IVD: variants seen among roughly 807,000 people sequenced by gnomAD.
IVD encodes the protein isovaleryl-CoA dehydrogenase, mitochondrial.
A neutral mutation model predicts 51.3 loss-of-function variants in IVD; 31 were observed. The ratio of observed to expected loss-of-function variants is 0.60; its 90% CI spans 0.45 to 0.81. The LOEUF (loss-of-function observed/expected upper bound fraction) is 0.81. Among genes scored for constraint, IVD ranks in the 40% least tolerant of loss-of-function variants. IVD has a pLI of 0.00. For missense variants in IVD, 475 were observed against 552.0 expected (o/e 0.86, Z 1.40); for synonymous variants, 205 against 219.4 (o/e 0.93, Z 0.58).
At chr15:40,428,203 G>A (rs1013876153), downstream of IVD, among the ~76,000 whole-genome samples, 2 of 150,898 alleles carry the variant, frequency 1.3e-5, no homozygotes, top group Non-Finnish European at 3.0e-5. Context: ...AAAAAAGACT[G>A]GACTGTTTGT....
In IVD at chr15:40,415,476, C is replaced by T. The variant is rs1595787254; in HGVS notation, c.954C>T (p.His318=). 2 of 1,613,896 alleles carry T rather than the reference C, an allele frequency of 1.2e-6. No homozygotes were observed. The highest frequency in any genetic ancestry group is 1.7e-6 in the Non-Finnish European group (2 of 1,179,794). ...AAGCCTTTGGCCAGAAGATCGGCCACTTCCAGGTGAGCCGAGTGCTTTTGC... is the reference window on the plus strand; with the variant it reads ...AAGCCTTTGGCCAGAAGATCGGCCATTTCCAGGTGAGCCGAGTGCTTTTGC... The part of the protein sequence containing the change: ...VREAFGQKIG[H]FQLMQGKMAD... Residue 318 remains histidine, a synonymous_variant, in exon 9 of 12, where the codon CAC becomes CAT. Transcript: ENST00000487418.
chr15:40,417,320 C>A (rs1212225406), intron 11 of IVD, among the ~76,000 whole-genome samples: 10 of 151,576 alleles, frequency 6.6e-5, no homozygotes, highest in Non-Finnish European at 1.2e-4. Context: ...CCAGCCTGAC[C>A]AACGTGGTGA....
intron 7 of IVD, among the ~76,000 whole-genome samples, chr15:40,429,490 G>T (rs1892850807): frequency 6.6e-6 from 1 of 152,162 alleles, no homozygotes; most frequent in Non-Finnish European, 1.5e-5. Flanking sequence ...CCCAGCATGA[G>T]CACTAACCCA....
At chr15:40,417,588 G>A (rs1406913020) in intron 11 of IVD, among the ~76,000 whole-genome samples, 1 of 151,892 alleles carries the variant, frequency 6.6e-6, no homozygotes, top group Non-Finnish European at 1.5e-5. Flanking sequence ...AGCTTGAAGT[G>A]TTGTGCCATG....
At chr15:40,428,372 C>G (rs747148254), downstream of IVD, among the ~76,000 whole-genome samples, 11 of 152,080 alleles carry the variant, frequency 7.2e-5, no homozygotes, top group Non-Finnish European at 1.3e-4. Context: ...CTCTTCCCAG[C>G]CCCTCTCTCC....
At chr15:40,409,133 C>T (rs948577777) in intron 3 of IVD, among the ~76,000 whole-genome samples, 1 of 152,194 alleles carries the variant, frequency 6.6e-6, no homozygotes, top group Non-Finnish European at 1.5e-5. Context: ...CTGGGTACTC[C>T]TAAGCAAGAC....
At chr15:40,433,169 A>ATT (rs1173542126) in intron 7 of IVD, among the ~76,000 whole-genome samples, 1 of 152,106 alleles carries the variant, frequency 6.6e-6, no homozygotes, top group African/African-American at 2.4e-5. Flanking sequence ...TTAGACCTCT[A>ATT]TTTTATATGT....
chr15:40,417,121 T>C (rs1449427528), intron 11 of IVD, among the ~76,000 whole-genome samples: 1 of 151,154 alleles, frequency 6.6e-6, no homozygotes, highest in Non-Finnish European at 1.5e-5. Context: ...GGAGAATCTC[T>C]TGAACCCAGG....
At chr15:40,426,223 G>C (rs1892664382), downstream of IVD, among the ~76,000 whole-genome samples, 1 of 151,948 alleles carries the variant, frequency 6.6e-6, no homozygotes, top group Non-Finnish European at 1.5e-5. Flanking sequence ...CATTTGGGCT[G>C]TTTCCAGTTT....
rs751815296 is a variant in IVD at position 40,411,369 on chromosome 15, A to G, written c.550+16A>G. On this transcript the variant is annotated intron_variant, in intron 5 of 11. Coordinates refer to ENST00000487418, the MANE Select transcript of IVD (RefSeq NM_002225.5). The stretch of plus-strand genomic sequence containing the variant: ...GAAAAGAAAGGTGAGGCCACTCTCA[A>G]CTTGGGAGCCAAAATGGGCAGAGGT... 3.1e-6 allele frequency: 5 copies of G among 1,613,696 alleles called. No individual in the cohort carries two copies. The South Asian group carries it at 5.5e-5, about 18-fold the overall frequency.
chr15:40,411,220 C>T (rs1891039743), intron 4 of IVD, 40 bp from the exon 5 acceptor site: 2 of 1,596,008 alleles, frequency 1.3e-6, no homozygotes, highest in Non-Finnish European at 8.6e-7. Flanking sequence ...CTAGGGTACT[C>T]TGAGGTTGTA....
Position 40,418,892 on chromosome 15 carries a change from G to A in IVD, c.*629G>A, listed in dbSNP as rs911399401. Reference sequence around the variant, plus strand: ...TCATGCTTGTAATCCCAGCACTTCAGGAGGCTGAGATGGGTGGATCACCTG... The same window carrying A: ...TCATGCTTGTAATCCCAGCACTTCAAGAGGCTGAGATGGGTGGATCACCTG... On this transcript the variant is annotated 3_prime_UTR_variant, in exon 12 of 12. Coordinates refer to ENST00000487418, the MANE Select transcript of IVD (RefSeq NM_002225.5). 6 of 598,780 alleles carry A rather than the reference G, an allele frequency of 1.0e-5. No individual in the cohort carries two copies. The highest frequency in any genetic ancestry group is 1.4e-5 in the Non-Finnish European group (6 of 417,352). 37.1% of individuals were successfully genotyped at this position (598,780 alleles called of 1,614,324 possible).
chr15:40,419,066 G>T lies in IVD; in HGVS notation c.*803G>T. The T allele has an allele frequency of 1.0e-6, 1 of 956,900 alleles. No homozygotes were observed. Among genetic ancestry groups the T allele is most frequent in the South Asian group, 1.4e-5 (1 of 73,518 alleles). 59.3% of individuals were successfully genotyped at this position (956,900 alleles called of 1,614,324 possible). A position where few individuals can be genotyped will look rare whatever the true frequency, so the allele number is the denominator to read the frequency against. ...CAGGAGAATTACTTGAACCCAGGAG[G>T]CGGACGTTGCAGTGAGCCGAGCTTG... On this transcript the variant is annotated 3_prime_UTR_variant, in exon 12 of 12. Coordinates refer to ENST00000487418, the MANE Select transcript of IVD (RefSeq NM_002225.5).
At chr15:40,425,439 A>AATATATATATATATATATATATATATAT (rs1566949596), downstream of IVD, among the ~76,000 whole-genome samples, 14 of 73,486 alleles carry the variant, frequency 1.9e-4, no homozygotes, top group African/African-American at 6.0e-4. Flanking sequence ...CTGGACTCAT[A>AATATATATATATATATATATATATATAT]CTATATATAT....
downstream of IVD, chr15:40,424,388 A>G: frequency 3.3e-6 from 1 of 303,762 alleles, no homozygotes; most frequent in South Asian, 2.6e-5. Flanking sequence ...AAGTCCTTCC[A>G]GCCCTTCAAA....
Position 40,434,839 on chromosome 15 carries a change from C to T in IVD, c.781-578C>T, listed in dbSNP as rs138759385. The stretch of plus-strand genomic sequence containing the variant: ...ATGGGAAGAGGCTCACAGGAAAGGG[C>T]AGGGCTATAGCATGAGGCTTCACTG... On this transcript the variant is annotated intron_variant, in intron 8 of 8. Transcript: ENST00000473112. Among the ~76,000 whole-genome samples the T allele has an allele frequency of 7.2e-5, 11 of 152,308 alleles. No homozygotes were observed. The East Asian group carries it at 2.1e-3, about 29-fold the overall frequency.
intron 9 of IVD, among the ~76,000 whole-genome samples, chr15:40,415,804 G>A (rs1451796711): frequency 6.6e-6 from 1 of 152,204 alleles, no homozygotes; most frequent in African/African-American, 2.4e-5. Context: ...GAAGCTGCTG[G>A]AAGGTAATAA....
In IVD at chr15:40,420,880, C is replaced by T. The variant is rs2141390543; in HGVS notation, c.*2617C>T. On this transcript the variant is annotated 3_prime_UTR_variant, in exon 12 of 12. Transcript: ENST00000487418. The stretch of plus-strand genomic sequence containing the variant: ...GAGAAGGGAATGGGTCTGGGTTGTT[C>T]CACCCCTTCCGAGTTCCAAAAAGAG... 1 of 985,532 alleles carries T rather than the reference C, an allele frequency of 1.0e-6. No individual in the cohort carries two copies. Among genetic ancestry groups the T allele is most frequent in the Non-Finnish European group, 1.2e-6 (1 of 830,004 alleles). 61.0% of individuals were successfully genotyped at this position (985,532 alleles called of 1,614,324 possible). A position where few individuals can be genotyped will look rare whatever the true frequency, so the allele number is the denominator to read the frequency against.
In IVD at chr15:40,419,301, A is replaced by G. The variant is rs1365922682; in HGVS notation, c.*1038A>G. ...CAAGGCAGGTGGATCACTTGCAGTC[A>G]GGAGTTCAAGACCAGCCTGTCCAAC... is the stretch of plus-strand genomic sequence containing the variant. On this transcript the variant is annotated 3_prime_UTR_variant, in exon 12 of 12. Coordinates refer to ENST00000487418, the MANE Select transcript of IVD (RefSeq NM_002225.5). The G allele has an allele frequency of 9.0e-7, 1 of 1,111,530 alleles. No individual in the cohort carries two copies. Among genetic ancestry groups the G allele is most frequent in the Admixed American group, 2.3e-5 (1 of 42,618 alleles). The allele number at this position is 1,111,530 out of a possible 1,614,324, so 68.9% of individuals were successfully genotyped here. A position where few individuals can be genotyped will look rare whatever the true frequency, so the allele number is the denominator to read the frequency against.
Sources: gnomAD v4.1 joint callset for allele counts (sites outside exome capture counted in the v4.1 genomes callset) on GRCh38, gnomAD v4.1.1 for gene constraint, MANE v1.5 for transcripts, NCBI Gene and HGNC (gene_info 2026-07-23, HGNC 2026-07-21) for gene names.